The following KIAA0586 variants were observed in gnomAD, a reference collection of about 807,000 sequenced individuals.
KIAA0586 encodes KIAA0586, also known as protein TALPID3.
Under a neutral mutation model 169.8 loss-of-function variants are expected in KIAA0586, and 144 were observed. The observed-to-expected ratio is 0.85, with a 90% CI of 0.74 to 0.97. The LOEUF is 0.97. Ranked by LOEUF, KIAA0586 falls within the 50% of genes least tolerant of loss-of-function variation. The probability of loss-of-function intolerance (pLI) is 0.00; values close to 1 mark genes in which losing one functional copy is unlikely to be tolerated. For synonymous variants in KIAA0586, 625 were observed against 612.4 expected, an observed-to-expected ratio of 1.02 and a Z score of -0.30; for missense variants, 1,854 against 1,823.0, an observed-to-expected ratio of 1.02 and a Z score of -0.31.
At chr14:58,460,906 A>T in intron 13 of KIAA0586, 80 bp from the exon 14 acceptor site, 2 of 1,011,972 alleles carry the variant, frequency 2.0e-6, no homozygotes, top group South Asian at 5.3e-5. Context: ...TACTTAAGCT[A>T]GCAAAAGGAG....
intron 29 of KIAA0586, among the ~76,000 whole-genome samples, chr14:58,539,347 TC>T (rs1188838539): frequency 6.6e-6 from 1 of 152,206 alleles, no homozygotes; most frequent in African/African-American, 2.4e-5. Flanking sequence ...CTAATTTTTT[TC>T]ATATCACCCT....
chr14:58,511,967 T>C (rs2044418302), intron 28 of KIAA0586, among the ~76,000 whole-genome samples: 1 of 152,136 alleles, frequency 6.6e-6, no homozygotes, highest in Admixed American at 6.6e-5. Context: ...TACTGTAAAT[T>C]TCAAATTTGG....
chr14:58,517,886 G>C (rs758182423), intron 29 of KIAA0586, among the ~76,000 whole-genome samples: 1 of 152,126 alleles, frequency 6.6e-6, no homozygotes, highest in Non-Finnish European at 1.5e-5. Context: ...GCTACATACT[G>C]TATGATTCCA....
intron 20 of KIAA0586, among the ~76,000 whole-genome samples, chr14:58,479,370 G>T (rs111435877): frequency 6.6e-6 from 1 of 152,132 alleles, no homozygotes; most frequent in Admixed American, 6.5e-5. Context: ...AGTTCGAGTC[G>T]TGTCTTCATA....
intron 29 of KIAA0586, among the ~76,000 whole-genome samples, chr14:58,516,517 T>C (rs976673284): frequency 6.6e-6 from 1 of 152,204 alleles, no homozygotes; most frequent in African/African-American, 2.4e-5. Context: ...GGTTGGAAAC[T>C]GTCCTGCACA....
chr14:58,430,563 G>A (rs1192636879), intron 2 of KIAA0586, 85 bp from the exon 3 acceptor site: 1 of 755,966 alleles, frequency 1.3e-6, no homozygotes, highest in African/African-American at 1.8e-5. Flanking sequence ...CCAGAACACA[G>A]TAGTCACATA....
At chr14:58,443,680 C>T (rs1049241037) in intron 5 of KIAA0586, among the ~76,000 whole-genome samples, 9 of 152,162 alleles carry the variant, frequency 5.9e-5, no homozygotes, top group Non-Finnish European at 1.3e-4. Flanking sequence ...GCCTTGGCCT[C>T]CCAAAGTGCT....
chr14:58,460,948 C>T lies in KIAA0586; in HGVS notation c.1885-38C>T. The T allele has an allele frequency of 2.8e-6, 4 of 1,432,936 alleles. No individual in the cohort carries two copies. In the South Asian group the frequency reaches 4.7e-5, roughly 17 times the overall value. 88.8% of individuals were successfully genotyped at this position (1,432,936 alleles called of 1,614,324 possible). A position where few individuals can be genotyped will look rare whatever the true frequency, so the allele number is the denominator to read the frequency against. ...GAAAAATGAGATAAGTGTTTGATGA[C>T]TGTTTTCATGGTGAGTTGAATAACT... On this transcript the variant is annotated intron_variant, in intron 13 of 30. Transcript: ENST00000652326.
the KIAA0586 span, among the ~76,000 whole-genome samples, chr14:58,561,419 T>G: frequency 6.6e-6 from 1 of 152,238 alleles, no homozygotes; most frequent in South Asian, 2.1e-4. Flanking sequence ...TAATGTTAAT[T>G]GCATGCACTA....
intron 20 of KIAA0586, among the ~76,000 whole-genome samples, chr14:58,479,266 A>G (rs1489898362): frequency 6.6e-6 from 1 of 152,208 alleles, no homozygotes; most frequent in Non-Finnish European, 1.5e-5. Context: ...CCTGAGTAGT[A>G]TAATTATTAA....
At chr14:58,443,024 G>A (rs959069462) in intron 5 of KIAA0586, 144 bp downstream of exon 5, 1 of 635,248 alleles carries the variant, frequency 1.6e-6, no homozygotes, top group Non-Finnish European at 2.6e-6. Flanking sequence ...TCCCATTTGT[G>A]GTTGTGTGTT....
At chr14:58,531,365 A>T (rs903650951) in intron 29 of KIAA0586, among the ~76,000 whole-genome samples, 7 of 151,830 alleles carry the variant, frequency 4.6e-5, no homozygotes, top group East Asian at 3.8e-4. Context: ...AAATAAAAAA[A>T]AATTGGGCAA....
In KIAA0586 at chr14:58,453,365, T is replaced by G. The variant is rs565587692; in HGVS notation, c.1145T>G (p.Leu382Trp). The G allele has an allele frequency of 9.6e-6, 13 of 1,354,718 alleles. No homozygotes were observed. The South Asian group carries it at 1.8e-4, about 19-fold the overall frequency. The allele number at this position is 1,354,718 out of a possible 1,614,324, so 83.9% of individuals were successfully genotyped here. A position where few individuals can be genotyped will look rare whatever the true frequency, so the allele number is the denominator to read the frequency against. The part of the protein sequence containing the change: ...VSCHRGNVRL[L>W]EQILNNNDSL... Reference sequence around the variant, plus strand: ...TCTATTTCAGGAAATGTAAGACTATTGGAACAAATTTTGAATAATAATGAT... The same window carrying G: ...TCTATTTCAGGAAATGTAAGACTATGGGAACAAATTTTGAATAATAATGAT... The change falls in exon 9 of 31, where the codon TTG becomes TGG. Residue 382 changes from leucine to tryptophan, a missense_variant. Leu to Trp is a moderately conservative substitution (Grantham distance 61, BLOSUM62 -2). Transcript: ENST00000652326.
In KIAA0586 at chr14:58,456,729, A is replaced by G. The variant is rs1443969511; in HGVS notation, c.1281A>G (p.Thr427=). Residue 427 remains threonine, a synonymous_variant, in exon 10 of 31, where the codon ACA becomes ACG. Coordinates refer to ENST00000652326, the MANE Select transcript of KIAA0586 (RefSeq NM_001329943.3). ...TTCCTTCCTGTGAAGAGCTAGAAAC[A>G]ACTAAAGTGACTATGCAGAAGTCTG... ...NRFPSCEELE[T]TKVTMQKSDD... is the part of the protein sequence containing the mutation. The G allele has an allele frequency of 1.2e-6, 2 of 1,604,882 alleles. No homozygotes were observed.
intron 12 of KIAA0586, among the ~76,000 whole-genome samples, chr14:58,459,108 G>A (rs1001213797): frequency 2.0e-5 from 3 of 152,130 alleles, no homozygotes; most frequent in African/African-American, 7.2e-5. Flanking sequence ...GAACTAGGCA[G>A]GCTAAGGTGT....
chr14:58,498,502 A>G (rs2141304925), intron 26 of KIAA0586, among the ~76,000 whole-genome samples: 1 of 152,112 alleles, frequency 6.6e-6, no homozygotes, highest in Middle Eastern at 3.4e-3. Flanking sequence ...TTGTAATATA[A>G]TTTTTCTTAT....
At chr14:58,440,488 C>A (rs144313922) in intron 4 of KIAA0586, among the ~76,000 whole-genome samples, 1 of 152,144 alleles carries the variant, frequency 6.6e-6, no homozygotes, top group Non-Finnish European at 1.5e-5. Context: ...CCCGCCATCA[C>A]GCCTGGCTAA....
intron 4 of KIAA0586, among the ~76,000 whole-genome samples, chr14:58,439,558 T>TC (rs1437157368): frequency 6.6e-6 from 1 of 152,216 alleles, no homozygotes; most frequent in Non-Finnish European, 1.5e-5. Flanking sequence ...TGCAATTTCT[T>TC]CATCTATAAA....
chr14:58,451,258 C>G (rs1417616147), intron 8 of KIAA0586, among the ~76,000 whole-genome samples: 1 of 152,148 alleles, frequency 6.6e-6, no homozygotes, highest in Non-Finnish European at 1.5e-5. Context: ...CAAGGTCTCA[C>G]TCTGTCACCC....
Sources: allele counts gnomAD v4.1 joint callset (sites outside exome capture counted in the v4.1 genomes callset), GRCh38; gene constraint gnomAD v4.1.1; transcripts MANE v1.5; gene names NCBI Gene and HGNC (gene_info 2026-07-23, HGNC 2026-07-21).